Variants in NTM observed in about 807,000 individuals in gnomAD.
NTM encodes neurotrimin, also known as IgLON family member 2.
A neutral mutation model predicts 42.1 loss-of-function variants in NTM; 13 were observed. That is an observed-to-expected ratio of 0.31 (90% CI 0.20 to 0.49). NTM has a LOEUF of 0.49. Ranked by LOEUF, NTM falls within the 20% of genes least tolerant of loss-of-function variation. The pLI is 0.99. For missense variants in NTM, 373 were observed against 452.8 expected (o/e 0.82, Z 1.60); for synonymous variants, 187 against 179.2 (o/e 1.04, Z -0.35).
chr11:132,154,066 G>T (rs2072605668), intron 3 of NTM, among the ~76,000 whole-genome samples: 1 of 152,166 alleles, frequency 6.6e-6, no homozygotes, highest in South Asian at 2.1e-4. Flanking sequence ...TGTTGTGTTG[G>T]ACGAAGAGTG....
At chr11:131,504,244 T>C (rs1661706512) in intron 1 of NTM, among the ~76,000 whole-genome samples, 1 of 152,182 alleles carries the variant, frequency 6.6e-6, no homozygotes, top group Non-Finnish European at 1.5e-5. Context: ...GAATTCAGCC[T>C]GTTTGGGTTG....
intron 4 of NTM, among the ~76,000 whole-genome samples, chr11:132,293,591 C>T (rs566219926): frequency 5.3e-5 from 8 of 152,048 alleles, no homozygotes; most frequent in East Asian, 1.9e-4. Flanking sequence ...TGGAGATTTA[C>T]GCGTCTACAG....
At chr11:131,489,182 C>A (rs1218609879) in intron 1 of NTM, among the ~76,000 whole-genome samples, 1 of 152,180 alleles carries the variant, frequency 6.6e-6, no homozygotes, top group African/African-American at 2.4e-5. Context: ...TTGGTTGATT[C>A]CACCTTCTGG....
chr11:132,021,322 T>A (rs10894485), intron 2 of NTM, among the ~76,000 whole-genome samples: 45,414 of 152,018 alleles, frequency 0.3, 7,912 homozygotes, highest in East Asian at 0.82. Context: ...TTTAGTTTTT[T>A]AAACATATTT....
At chr11:131,699,341 A>G (rs1028280862) in intron 1 of NTM, among the ~76,000 whole-genome samples, 1 of 152,238 alleles carries the variant, frequency 6.6e-6, no homozygotes, top group African/African-American at 2.4e-5. Flanking sequence ...AAAGAAAACT[A>G]TCTCTGATAT....
intron 1 of NTM, among the ~76,000 whole-genome samples, chr11:131,417,980 A>G (rs1947125339): frequency 6.6e-6 from 1 of 152,120 alleles, no homozygotes; most frequent in Non-Finnish European, 1.5e-5. Flanking sequence ...TGCTCTTTTA[A>G]TGGGATTTTT....
intron 1 of NTM, among the ~76,000 whole-genome samples, chr11:131,392,209 G>A (rs977443560): frequency 2.0e-5 from 3 of 152,206 alleles, no homozygotes; most frequent in African/African-American, 7.2e-5. Context: ...CTGCTGCCGC[G>A]GTGATATCAT....
intron 2 of NTM, among the ~76,000 whole-genome samples, chr11:131,936,478 T>C (rs2059230644): frequency 6.6e-6 from 1 of 152,084 alleles, no homozygotes; most frequent in Admixed American, 6.6e-5. Flanking sequence ...ATAATGGACA[T>C]TGGAGACTCA....
intron 1 of NTM, among the ~76,000 whole-genome samples, chr11:131,684,557 C>T (rs951649160): frequency 1.3e-5 from 2 of 152,236 alleles, no homozygotes; most frequent in Non-Finnish European, 2.9e-5. Context: ...ACAGCCGCTT[C>T]CTTTATGTAG....
At chr11:132,075,397 C>A (rs1231404632) in intron 2 of NTM, among the ~76,000 whole-genome samples, 1 of 152,146 alleles carries the variant, frequency 6.6e-6, no homozygotes, top group Non-Finnish European at 1.5e-5. Context: ...TAAGGTGCAA[C>A]AATATTTTTG....
intron 7 of NTM, among the ~76,000 whole-genome samples, chr11:132,319,386 C>T (rs180928050): frequency 9.9e-5 from 15 of 152,250 alleles, no homozygotes; most frequent in African/African-American, 1.2e-4. Flanking sequence ...AAGCAGTGAC[C>T]GTCGGCACCT....
chr11:131,911,695 G>C (rs776569251), intron 2 of NTM, 47 bp downstream of exon 2: 1 of 1,611,812 alleles, frequency 6.2e-7, no homozygotes. Context: ...GTATGGGGTC[G>C]GGGTAAGGGG....
At chr11:131,667,977 ATC>A (rs1473583057) in intron 1 of NTM, among the ~76,000 whole-genome samples, 3 of 152,210 alleles carry the variant, frequency 2.0e-5, no homozygotes, top group African/African-American at 7.2e-5. Flanking sequence ...ACACTGTGCA[ATC>A]CACTTCTGGT....
intron 3 of NTM, among the ~76,000 whole-genome samples, chr11:132,187,123 A>G (rs1028404189): frequency 6.6e-6 from 1 of 152,054 alleles, no homozygotes; most frequent in African/African-American, 2.4e-5. Flanking sequence ...TCACTGTTCA[A>G]TTCCTTGGGG....
At chr11:132,064,591 G>A (rs2081163209) in intron 2 of NTM, among the ~76,000 whole-genome samples, 1 of 152,166 alleles carries the variant, frequency 6.6e-6, no homozygotes, top group Admixed American at 6.5e-5. Flanking sequence ...TAAGGGAAGG[G>A]ATTTGAAGCC....
At chr11:131,919,264 A>G (rs1188094108) in intron 2 of NTM, among the ~76,000 whole-genome samples, 3 of 152,176 alleles carry the variant, frequency 2.0e-5, no homozygotes, top group Non-Finnish European at 4.4e-5. Context: ...ATTTAAGGTC[A>G]TTTTGCTTCC....
intron 2 of NTM, among the ~76,000 whole-genome samples, chr11:132,062,046 C>G (rs1437558206): frequency 1.3e-5 from 2 of 152,112 alleles, no homozygotes; most frequent in African/African-American, 4.8e-5. Context: ...CATGGTAAAT[C>G]AAACTCCGCT....
At chr11:132,104,526 A>C (rs1414603958) in intron 2 of NTM, among the ~76,000 whole-genome samples, 1 of 151,532 alleles carries the variant, frequency 6.6e-6, no homozygotes, top group African/African-American at 2.4e-5. Flanking sequence ...CCAAGGCAGG[A>C]GGATTGCTTG....
At chr11:132,318,439 T>C (rs1036608873) in intron 7 of NTM, among the ~76,000 whole-genome samples, 1 of 152,172 alleles carries the variant, frequency 6.6e-6, no homozygotes, top group Admixed American at 6.5e-5. Flanking sequence ...TGGAACATCA[T>C]AGGGGGTCCT....
Sources: gnomAD v4.1 joint callset for allele counts (sites outside exome capture counted in the v4.1 genomes callset) on GRCh38, gnomAD v4.1.1 for gene constraint, MANE v1.5 for transcripts, NCBI Gene and HGNC (gene_info 2026-07-23, HGNC 2026-07-21) for gene names.